Variants in ERCC6 observed in about 807,000 individuals in gnomAD.
ERCC6 encodes the protein DNA excision repair protein ERCC-6.
A neutral mutation model predicts 158.7 loss-of-function variants in ERCC6; 116 were observed. The observed-to-expected ratio is 0.73, with a 90% CI of 0.63 to 0.85. The LOEUF is 0.85. Among genes scored for constraint, ERCC6 ranks in the 40% least tolerant of loss-of-function variants. The probability of loss-of-function intolerance (pLI) is 0.00; values close to 1 mark genes in which losing one functional copy is unlikely to be tolerated. For synonymous variants in ERCC6, 678 were observed against 659.3 expected, an observed-to-expected ratio of 1.03 and a Z score of -0.43; for missense variants, 1,698 against 1,799.4, an observed-to-expected ratio of 0.94 and a Z score of 1.02.
intron 7 of ERCC6, among the ~76,000 whole-genome samples, chr10:49,497,200 G>C (rs187925706): frequency 2.6e-5 from 4 of 152,220 alleles, no homozygotes; most frequent in Non-Finnish European, 5.9e-5. Context: ...AGGAGAGTGG[G>C]ACTCTGCCTG....
At chr10:49,477,653 C>A (rs1213578464) in intron 11 of ERCC6, among the ~76,000 whole-genome samples, 1 of 152,122 alleles carries the variant, frequency 6.6e-6, no homozygotes, top group Non-Finnish European at 1.5e-5. Flanking sequence ...CCAGTCTTCC[C>A]AGCTAGCTCC....
intron 1 of ERCC6, among the ~76,000 whole-genome samples, chr10:49,534,609 A>G (rs1033395110): frequency 2.0e-5 from 3 of 152,208 alleles, no homozygotes; most frequent in Non-Finnish European, 2.9e-5. Context: ...AGCACAGGGA[A>G]AAATAAGGGG....
Position 49,482,729 on chromosome 10 carries a change from G to A in ERCC6, c.2127C>T (p.Val709=). ...TTGAATATCCCCCCATGGTGATGGG[G>A]ACGGAGAACTGCTCCATAAACACAG... The part of the protein sequence containing the change: ...TLPVFMEQFS[V]PITMGGYSNA... Residue 709 remains valine (V), a synonymous_variant, in exon 10 of 21, where the codon GTC becomes GTT. Transcript: ENST00000355832. The A allele has an allele frequency of 6.2e-7, 1 of 1,613,844 alleles. No homozygotes were observed. Among genetic ancestry groups the A allele is most frequent in the South Asian group, 1.1e-5 (1 of 91,060 alleles).
At chr10:49,513,472 A>G (rs1194245951) in intron 5 of ERCC6, among the ~76,000 whole-genome samples, 2 of 152,208 alleles carry the variant, frequency 1.3e-5, no homozygotes, top group East Asian at 1.9e-4. Flanking sequence ...GGGAGATACT[A>G]TATTGTATGA....
At chr10:49,448,512 A>G in the ERCC6 span, among the ~76,000 whole-genome samples, 1 of 152,218 alleles carries the variant, frequency 6.6e-6, no homozygotes, top group Non-Finnish European at 1.5e-5. Context: ...AGCTTTTAGT[A>G]TACTCAAAGA....
chr10:49,500,930 A>C, intron 6 of ERCC6: 1 of 530,918 alleles, frequency 1.9e-6, no homozygotes, highest in Non-Finnish European at 3.4e-6. Context: ...TTTCTAATTA[A>C]ACTGATAGAT....
intron 12 of ERCC6, chr10:49,475,379 G>C (rs1206054110): frequency 2.3e-6 from 1 of 442,936 alleles, no homozygotes; most frequent in Non-Finnish European, 4.5e-6. Flanking sequence ...ACAATTCCAA[G>C]TGTAGTTTGC....
the ERCC6 span, among the ~76,000 whole-genome samples, chr10:49,440,502 G>C: frequency 6.6e-6 from 1 of 152,188 alleles, no homozygotes; most frequent in African/African-American, 2.4e-5. Flanking sequence ...CCACATCAGA[G>C]AGTTACCTCT....
chr10:49,525,793 G>T (rs1837303449), intron 4 of ERCC6, among the ~76,000 whole-genome samples: 1 of 151,908 alleles, frequency 6.6e-6, no homozygotes, highest in South Asian at 2.1e-4. Context: ...ACCACCAGAT[G>T]AGCCCTTCAG....
chr10:49,468,905 T>G (rs1344131633), intron 18 of ERCC6, among the ~76,000 whole-genome samples: 1 of 152,160 alleles, frequency 6.6e-6, no homozygotes, highest in Non-Finnish European at 1.5e-5. Flanking sequence ...GGAGCCAGCT[T>G]GAAGGAGCTC....
chr10:49,494,949 C>T (rs1309762863), intron 7 of ERCC6, among the ~76,000 whole-genome samples: 1 of 152,166 alleles, frequency 6.6e-6, no homozygotes, highest in Non-Finnish European at 1.5e-5. Context: ...GTGTACCATA[C>T]ATTTGTGAAT....
At chr10:49,446,257 A>C in the ERCC6 span, among the ~76,000 whole-genome samples, 22 of 99,938 alleles carry the variant, frequency 2.2e-4, no homozygotes, top group South Asian at 4.0e-4. Flanking sequence ...ACACACACAC[A>C]CCCCCCAATT....
chr10:49,523,185 G>A (rs192092102), intron 5 of ERCC6, among the ~76,000 whole-genome samples: 2 of 152,138 alleles, frequency 1.3e-5, no homozygotes, highest in African/African-American at 4.8e-5. Context: ...AAGTAATAAG[G>A]TTCCTTTTTC....
In ERCC6 at chr10:49,524,521, C is replaced by A. The variant is rs371906160; in HGVS notation, c.909G>T (p.Thr303=). The part of the protein sequence containing the change: ...RAARKAPAPV[T]PPAPVQNKNK... Reference sequence around the variant, plus strand: ...TTTTATTTTGCACTGGGGCTGGAGGCGTGACTGGGGCTGGAGCTTTTCTAG... The same window carrying A: ...TTTTATTTTGCACTGGGGCTGGAGGAGTGACTGGGGCTGGAGCTTTTCTAG... The change falls in exon 5 of 21, where the codon ACG becomes ACT. Residue 303 remains threonine, a synonymous_variant. Transcript: ENST00000355832. The A allele has an allele frequency of 2.9e-5, 47 of 1,614,158 alleles. No homozygotes were observed. The African/African-American group carries it at 6.0e-4, about 21-fold the overall frequency.
downstream of ERCC6, among the ~76,000 whole-genome samples, chr10:49,452,204 C>T (rs762867711): frequency 2.2e-4 from 33 of 151,710 alleles, no homozygotes; most frequent in Non-Finnish European, 1.0e-4. Context: ...AAGGTTATTG[C>T]TTTATTTCTT....
chr10:49,480,203 G>A (rs948022257), intron 10 of ERCC6, among the ~76,000 whole-genome samples: 1 of 152,130 alleles, frequency 6.6e-6, no homozygotes, highest in South Asian at 2.1e-4. Flanking sequence ...CAGGCCCCAG[G>A]TGAGTCATCC....
At chr10:49,514,260 C>A (rs1280543071) in intron 5 of ERCC6, among the ~76,000 whole-genome samples, 5 of 152,160 alleles carry the variant, frequency 3.3e-5, no homozygotes, top group Admixed American at 1.3e-4. Context: ...TACACCCCTG[C>A]AAACTTTTCC....
chr10:49,528,598 T>C lies in ERCC6; in HGVS notation c.544-73A>G, dbSNP rs1306794562. 3 of 1,557,558 alleles carry C rather than the reference T, an allele frequency of 1.9e-6. No individual in the cohort carries two copies. The Admixed American group carries it at 5.5e-5, about 28-fold the overall frequency. On this transcript the variant is annotated intron_variant, in intron 3 of 20. Coordinates refer to ENST00000355832, the MANE Select transcript of ERCC6 (RefSeq NM_000124.4). ...TTGTTAAATACAAAAGATAGCATTA[T>C]GAAATTTTAAACTTAAATCCAAAGT...
At chr10:49,486,049 T>C (rs1781706173) in intron 8 of ERCC6, among the ~76,000 whole-genome samples, 1 of 150,158 alleles carries the variant, frequency 6.7e-6, no homozygotes, top group South Asian at 2.1e-4. Flanking sequence ...CAAAAAGGAG[T>C]GAACAGAAAG....
Sources: gnomAD v4.1 joint callset for allele counts (sites outside exome capture counted in the v4.1 genomes callset) on GRCh38, gnomAD v4.1.1 for gene constraint, MANE v1.5 for transcripts, NCBI Gene and HGNC (gene_info 2026-07-23, HGNC 2026-07-21) for gene names.